CECR2: variants seen among roughly 807,000 people sequenced by gnomAD.
CECR2 encodes chromatin remodeling regulator CECR2.
Under a neutral mutation model 154.5 loss-of-function variants are expected in CECR2, and 30 were observed. That is an observed-to-expected ratio of 0.19 (90% confidence interval 0.15 to 0.26). The LOEUF (loss-of-function observed/expected upper bound fraction) is 0.26. Among genes scored for constraint, CECR2 ranks in the 10% least tolerant of loss-of-function variants. CECR2 has a pLI of 1.00. For synonymous variants in CECR2, 725 were observed against 683.7 expected (o/e 1.06, Z -0.94); for missense variants, 1,743 against 1,829.3 (o/e 0.95, Z 0.86).
chr22:17,483,365 G>A (rs1235729994), intron 2 of CECR2, among the ~76,000 whole-genome samples: 1 of 152,164 alleles, frequency 6.6e-6, no homozygotes, highest in Non-Finnish European at 1.5e-5. Context: ...TTCGAGACCA[G>A]CCTGGGCAAC....
At chr22:17,504,721 T>A (rs1047947940) in intron 6 of CECR2, 126 bp from the exon 7 acceptor site, 5 of 754,030 alleles carry the variant, frequency 6.6e-6, no homozygotes, top group Admixed American at 5.5e-5. Flanking sequence ...GATTACAGGC[T>A]TGAGCCACCG....
At chr22:17,440,763 C>CTTT (rs2054573129) in intron 1 of CECR2, among the ~76,000 whole-genome samples, 1 of 152,100 alleles carries the variant, frequency 6.6e-6, no homozygotes, top group African/African-American at 2.4e-5. Flanking sequence ...CCCTCTGATC[C>CTTT]CTACCCCTCC....
chr22:17,440,393 T>C (rs932761354), intron 1 of CECR2, among the ~76,000 whole-genome samples: 4 of 152,214 alleles, frequency 2.6e-5, no homozygotes, highest in African/African-American at 9.7e-5. Context: ...TTGGCCTCTT[T>C]TTTGCCTTGT....
chr22:17,517,506 C>T (rs2056080446), intron 8 of CECR2, among the ~76,000 whole-genome samples: 1 of 152,208 alleles, frequency 6.6e-6, no homozygotes, highest in South Asian at 2.1e-4. Flanking sequence ...ACACTTGAAG[C>T]CACACAATAA....
At chr22:17,422,718 C>T (rs2078735) in intron 1 of CECR2, among the ~76,000 whole-genome samples, 81,990 of 147,904 alleles carry the variant, frequency 0.55, 23,628 homozygotes, top group African/African-American at 0.76. Context: ...TTTTTTTTTT[C>T]CCTTTGGTTT....
intron 1 of CECR2, among the ~76,000 whole-genome samples, chr22:17,388,705 T>G (rs1184158298): frequency 1.3e-5 from 2 of 152,238 alleles, no homozygotes; most frequent in Non-Finnish European, 2.9e-5. Context: ...TTTTCTTCAC[T>G]TGCTTAAATT....
rs909343442 is a variant in CECR2, at chr22:17,419,642, G to C, written c.126+49733G>C. 1.5e-5 allele frequency: 5 copies of C among 329,218 alleles called. No homozygotes were observed. The Admixed American group carries it at 1.8e-4, about 12-fold the overall frequency. 20.4% of individuals were successfully genotyped at this position (329,218 alleles called of 1,614,324 possible). On this transcript the variant is annotated intron_variant, in intron 1 of 18. Transcript: ENST00000262608. Reference sequence around the variant, plus strand: ...CATTATGATGATTCCGCAGTTAATGGAGAAGTTTAACTTGGATCTATCAAC... The same window carrying C: ...CATTATGATGATTCCGCAGTTAATGCAGAAGTTTAACTTGGATCTATCAAC...
At chr22:17,458,442 A>G (rs2054887541) in intron 1 of CECR2, among the ~76,000 whole-genome samples, 1 of 151,202 alleles carries the variant, frequency 6.6e-6, no homozygotes, top group South Asian at 2.1e-4. Flanking sequence ...ATAGAACCAC[A>G]TAACACACAC....
In CECR2 at chr22:17,539,212, G is replaced by A. The variant is rs1037196017; in HGVS notation, c.1495+93G>A. 4 of 1,378,046 alleles carry A rather than the reference G, an allele frequency of 2.9e-6. No individual in the cohort carries two copies. In the East Asian group the frequency reaches 9.4e-5, roughly 32 times the overall value. The allele number at this position is 1,378,046 out of a possible 1,614,324, so 85.4% of individuals were successfully genotyped here. A position where few individuals can be genotyped will look rare whatever the true frequency, so the allele number is the denominator to read the frequency against. On this transcript the variant is annotated intron_variant, in intron 13 of 18. Coordinates refer to ENST00000262608, the MANE Select transcript of CECR2 (RefSeq NM_001290047.2). ...AAATACACATCCTAGTGCCTTTTCT[G>A]TAGGACAGTGAACAGAATGTGTATG...
At chr22:17,538,458 G>A (rs998067707) in intron 10 of CECR2, 62 bp from the exon 11 acceptor site, 1 of 1,470,160 alleles carries the variant, frequency 6.8e-7, no homozygotes, top group Non-Finnish European at 9.5e-7. Flanking sequence ...CGATAGACCT[G>A]AGAGAGCTCA....
intron 1 of CECR2, among the ~76,000 whole-genome samples, chr22:17,383,679 T>TG (rs1555900695): frequency 6.8e-6 from 1 of 147,624 alleles, no homozygotes; most frequent in African/African-American, 2.5e-5. Flanking sequence ...TTTTTTTTTT[T>TG]GAAGTGGAGT....
chr22:17,403,949 T>TTA (rs771881679), intron 1 of CECR2, among the ~76,000 whole-genome samples: 1 of 151,898 alleles, frequency 6.6e-6, no homozygotes, highest in Non-Finnish European at 1.5e-5. Flanking sequence ...GGGCATGTGT[T>TTA]TAGTAGCATT....
chr22:17,372,654 C>T (rs1038062676), intron 1 of CECR2, among the ~76,000 whole-genome samples: 1 of 151,762 alleles, frequency 6.6e-6, no homozygotes, highest in Non-Finnish European at 1.5e-5. Context: ...GGCGACAGGG[C>T]GAGACTCTGT....
intron 2 of CECR2, among the ~76,000 whole-genome samples, chr22:17,488,964 GT>G (rs1349085751): frequency 6.6e-6 from 1 of 152,130 alleles, no homozygotes; most frequent in Non-Finnish European, 1.5e-5. Context: ...TTATTTATTT[GT>G]TTGAGACAAG....
chr22:17,539,951 A>G (rs377764536), intron 13 of CECR2, among the ~76,000 whole-genome samples: 68 of 152,134 alleles, frequency 4.5e-4, no homozygotes, highest in African/African-American at 1.3e-3. Flanking sequence ...CTCCTCCCTC[A>G]GTCCCAAGTA....
At chr22:17,428,730 A>G (rs2054370284) in intron 1 of CECR2, among the ~76,000 whole-genome samples, 1 of 151,848 alleles carries the variant, frequency 6.6e-6, no homozygotes, top group African/African-American at 2.4e-5. Context: ...CTCTTGACTC[A>G]GCCTCTGAAA....
At chr22:17,501,470 A>G (rs1043925300) in intron 5 of CECR2, among the ~76,000 whole-genome samples, 25 of 152,198 alleles carry the variant, frequency 1.6e-4, no homozygotes, top group Non-Finnish European at 3.4e-4. Flanking sequence ...AGGCAGGAGA[A>G]TGACGTGAAC....
At chr22:17,447,253 C>T (rs577691272) in intron 1 of CECR2, among the ~76,000 whole-genome samples, 3 of 151,674 alleles carry the variant, frequency 2.0e-5, no homozygotes, top group East Asian at 3.9e-4. Flanking sequence ...CCTGGGTTCT[C>T]GCCATTCTCC....
At chr22:17,427,039 T>G (rs1224789830) in intron 1 of CECR2, among the ~76,000 whole-genome samples, 1 of 151,306 alleles carries the variant, frequency 6.6e-6, no homozygotes, top group East Asian at 2.0e-4. Context: ...GGCCCTGGTG[T>G]GTGATGTTCC....
Sources: gnomAD v4.1 joint callset for allele counts (sites outside exome capture counted in the v4.1 genomes callset) on GRCh38, gnomAD v4.1.1 for gene constraint, MANE v1.5 for transcripts, NCBI Gene and HGNC (gene_info 2026-07-23, HGNC 2026-07-21) for gene names.